Variants in ASTN2 observed in about 807,000 individuals in gnomAD.
ASTN2 encodes astrotactin 2.
ASTN2 carries 54 observed loss-of-function variants against 139.8 expected under a neutral mutation model. The observed-to-expected ratio is 0.39, with a 90% CI of 0.31 to 0.48. ASTN2 has a LOEUF of 0.48. ASTN2 is among the 20% of genes least tolerant of loss of function. The pLI is 0.95. For synonymous variants in ASTN2, 756 were observed against 719.5 expected, an observed-to-expected ratio of 1.05 and a Z score of -0.81; for missense variants, 1,565 against 1,725.1, an observed-to-expected ratio of 0.91 and a Z score of 1.64.
intron 2 of ASTN2, among the ~76,000 whole-genome samples, chr9:117,239,475 G>A (rs781201806): frequency 2.0e-4 from 30 of 152,182 alleles, no homozygotes; most frequent in Non-Finnish European, 3.5e-4. Context: ...CACTGTTGTC[G>A]GGGCAGCAAG....
chr9:117,255,479 T>C (rs534714487), intron 2 of ASTN2, among the ~76,000 whole-genome samples: 4 of 152,258 alleles, frequency 2.6e-5, no homozygotes, highest in Non-Finnish European at 4.4e-5. Flanking sequence ...AGGTCATACA[T>C]TGATGAATGT....
At chr9:116,884,761 G>A (rs573593175) in intron 10 of ASTN2, among the ~76,000 whole-genome samples, 4 of 148,208 alleles carry the variant, frequency 2.7e-5, no homozygotes, top group African/African-American at 1.0e-4. Flanking sequence ...CTTGATGTCT[G>A]TATGACATTC....
rs535614195 is a variant in ASTN2, at chr9:116,826,580, G to T, written c.2041-5797C>A. Among the ~76,000 whole-genome samples the T allele has an allele frequency of 1.1e-4, 17 of 152,232 alleles. No individual in the cohort carries two copies. The South Asian group carries it at 3.5e-3, about 32-fold the overall frequency. On this transcript the variant is annotated intron_variant, in intron 11 of 22. Transcript: ENST00000313400. ...AGCAAGACCAACACGGGTTGCTTGA[G>T]TCCCAGTGGGTTGCTCTACCACCAT...
intron 16 of ASTN2, among the ~76,000 whole-genome samples, chr9:116,667,158 G>A (rs1246342473): frequency 5.9e-5 from 9 of 151,618 alleles, no homozygotes; most frequent in African/African-American, 1.2e-4. Context: ...AGTTCACCAT[G>A]TTGGCCAGGC....
At chr9:117,350,638 G>A (rs777390020) in intron 1 of ASTN2, among the ~76,000 whole-genome samples, 12 of 151,932 alleles carry the variant, frequency 7.9e-5, no homozygotes, top group Non-Finnish European at 1.6e-4. Context: ...GGAAACATAG[G>A]TCCAGAATGA....
chr9:116,856,810 T>C lies in ASTN2; in HGVS notation c.2040+6773A>G, dbSNP rs557801509. On this transcript the variant is annotated intron_variant, in intron 11 of 22. Coordinates refer to ENST00000313400, the MANE Select transcript of ASTN2 (RefSeq NM_001365068.1). ...CAGAGGCGGCAGAAATGTGACTGGG[T>C]GATTTGTAGGGTTGAGGAGTGTGGG... 1.2e-3 allele frequency among the ~76,000 whole-genome samples: 180 copies of C among 152,156 alleles called. 1 individual carries two copies. Among genetic ancestry groups the C allele is most frequent in the African/African-American group, 3.9e-3 (162 of 41,522 alleles).
intron 4 of ASTN2, among the ~76,000 whole-genome samples, chr9:117,136,529 G>A (rs1172290212): frequency 6.6e-6 from 1 of 152,046 alleles, no homozygotes; most frequent in Non-Finnish European, 1.5e-5. Context: ...AAGCTCAAGA[G>A]GCCCCCAGTG....
chr9:117,131,659 C>A (rs867379759), intron 4 of ASTN2, among the ~76,000 whole-genome samples: 9 of 152,286 alleles, frequency 5.9e-5, no homozygotes, highest in Middle Eastern at 3.4e-3. Context: ...ACCTTGGCAT[C>A]TACAACCCCC....
chr9:117,016,726 T>TGA (rs1554769621), intron 6 of ASTN2, among the ~76,000 whole-genome samples: 1 of 140,384 alleles, frequency 7.1e-6, no homozygotes, highest in African/African-American at 2.7e-5. Flanking sequence ...TATATATATG[T>TGA]TATATATATA....
At chr9:117,193,294 G>C (rs975464003) in intron 3 of ASTN2, among the ~76,000 whole-genome samples, 11 of 152,114 alleles carry the variant, frequency 7.2e-5, no homozygotes, top group Admixed American at 6.6e-4. Flanking sequence ...AGGCAACATG[G>C]AGAGGAAAGA....
At position 116,442,437 on chromosome 9, in the gene ASTN2, A is replaced by G; in HGVS notation, c.3598+16T>C. On this transcript the variant is annotated intron_variant, in intron 21 of 22. Transcript: ENST00000313400. ...ATATGGGAGTTACTTTGGAGTTGAA[A>G]AACTGGGTTACCTACCTTCTGCCTT... 6.2e-7 allele frequency: 1 copy of G among 1,611,102 alleles called. No homozygotes were observed. The highest frequency in any genetic ancestry group is 8.5e-7 in the Non-Finnish European group (1 of 1,177,320).
chr9:116,451,068 G>A (rs565128362), intron 20 of ASTN2, among the ~76,000 whole-genome samples: 3 of 152,210 alleles, frequency 2.0e-5, no homozygotes, highest in African/African-American at 4.8e-5. Context: ...AAGAATCAGG[G>A]GAGTGGGGAG....
At chr9:116,555,599 A>T (rs1195643968) in intron 19 of ASTN2, among the ~76,000 whole-genome samples, 6 of 148,790 alleles carry the variant, frequency 4.0e-5, no homozygotes, top group Non-Finnish European at 7.4e-5. Context: ...GACCTCTGGG[A>T]AAGCTATTGG....
At chr9:117,045,844 T>A (rs2132659182) in intron 5 of ASTN2, among the ~76,000 whole-genome samples, 1 of 151,952 alleles carries the variant, frequency 6.6e-6, no homozygotes, top group South Asian at 2.1e-4. Flanking sequence ...TTTCTTAGAG[T>A]GGCAAATGGT....
intron 11 of ASTN2, among the ~76,000 whole-genome samples, chr9:116,836,883 G>T (rs182203350): frequency 5.3e-4 from 80 of 150,308 alleles, no homozygotes; most frequent in Non-Finnish European, 1.0e-3. Context: ...GCTAAGAATG[G>T]CTTTTACATT....
chr9:116,613,959 T>C (rs1588084203), intron 19 of ASTN2, among the ~76,000 whole-genome samples: 2 of 152,170 alleles, frequency 1.3e-5, no homozygotes, highest in South Asian at 4.1e-4. Flanking sequence ...GATGACATGA[T>C]TGTATATTTA....
At chr9:117,094,572 G>C (rs913664213) in intron 5 of ASTN2, among the ~76,000 whole-genome samples, 3 of 151,988 alleles carry the variant, frequency 2.0e-5, no homozygotes, top group Admixed American at 2.0e-4. Flanking sequence ...CAGTTTTCTG[G>C]CTAAGATCAA....
chr9:117,190,923 G>T (rs1211465332), intron 3 of ASTN2, among the ~76,000 whole-genome samples: 5 of 151,820 alleles, frequency 3.3e-5, no homozygotes, highest in Non-Finnish European at 7.4e-5. Context: ...AAATTGACTT[G>T]CATATATCTT....
intron 13 of ASTN2, among the ~76,000 whole-genome samples, chr9:116,734,302 A>C (rs1828864244): frequency 6.6e-6 from 1 of 152,176 alleles, no homozygotes; most frequent in African/African-American, 2.4e-5. Context: ...CAGAAAACTG[A>C]ACTGTGAACA....
Sources: allele counts gnomAD v4.1 joint callset (sites outside exome capture counted in the v4.1 genomes callset), GRCh38; gene constraint gnomAD v4.1.1; transcripts MANE v1.5; gene names NCBI Gene and HGNC (gene_info 2026-07-23, HGNC 2026-07-21).